MTMR8: variants seen among roughly 807,000 people sequenced by gnomAD.
The protein encoded by MTMR8 is phosphatidylinositol-3,5-bisphosphate 3-phosphatase MTMR8.
Under a neutral mutation model 39.3 loss-of-function variants are expected in MTMR8, and 65 were observed. That is an observed-to-expected ratio of 1.65 (90% CI 1.35 to 2.03). The LOEUF (loss-of-function observed/expected upper bound fraction) is 2.03, where lower values mean the gene tolerates loss of function less well. MTMR8 is among the 30% of genes most tolerant of loss of function. The pLI, the probability that MTMR8 is intolerant of heterozygous loss-of-function variation, is 0.00. For missense variants in MTMR8, 777 were observed against 538.9 expected (o/e 1.44, Z -4.37); for synonymous variants, 245 against 185.2 (o/e 1.32, Z -2.62).
chrX:64,381,394 C>CT (rs1310936244), intron 1 of MTMR8, among the ~76,000 whole-genome samples: 1 of 108,419 alleles, frequency 9.2e-6, no homozygotes, highest in Non-Finnish European at 1.9e-5. Flanking sequence ...GCATAAATGT[C>CT]TTTTTTTGAG....
chrX:64,339,534 A>T (rs1435977169), intron 8 of MTMR8, among the ~76,000 whole-genome samples: 2 of 111,783 alleles, frequency 1.8e-5, no homozygotes, highest in African/African-American at 6.5e-5. Flanking sequence ...GGAAAGACTA[A>T]CTACTTTTCA....
chrX:64,279,747 C>T (rs1346210710), intron 12 of MTMR8, among the ~76,000 whole-genome samples: 1 of 111,665 alleles, frequency 9.0e-6, no homozygotes, highest in Non-Finnish European at 1.9e-5. Context: ...TATTAAGCTA[C>T]AGTAATCAGT....
At chrX:64,288,934 T>A (rs1328865669) in intron 12 of MTMR8, among the ~76,000 whole-genome samples, 1 of 110,073 alleles carries the variant, frequency 9.1e-6, no homozygotes, top group Non-Finnish European at 1.9e-5. Flanking sequence ...GAGTTAATGG[T>A]TGCAGCTCAC....
intron 12 of MTMR8, among the ~76,000 whole-genome samples, chrX:64,290,450 A>T (rs1921356947): frequency 9.0e-6 from 1 of 110,840 alleles, no homozygotes; most frequent in Non-Finnish European, 1.9e-5. Flanking sequence ...ATATATAAAA[A>T]AAAGAAATAA....
At chrX:64,370,499 C>T (rs770746706) in intron 1 of MTMR8, among the ~76,000 whole-genome samples, 4 of 111,404 alleles carry the variant, frequency 3.6e-5, no homozygotes, top group Non-Finnish European at 7.5e-5. Flanking sequence ...GCCAGTGTGA[C>T]AAATTATGTA....
chrX:64,362,493 A>C (rs1295498050), intron 1 of MTMR8, among the ~76,000 whole-genome samples: 2 of 98,893 alleles, frequency 2.0e-5, no homozygotes, highest in East Asian at 6.0e-4. Context: ...AAAAAAAAAA[A>C]AAAAAAAAAC....
intron 12 of MTMR8, among the ~76,000 whole-genome samples, chrX:64,303,416 G>C (rs1206206347): frequency 8.9e-6 from 1 of 112,188 alleles, no homozygotes; most frequent in Non-Finnish European, 1.9e-5. Context: ...TAGTTCAACA[G>C]AGTTATGTTC....
intron 2 of MTMR8, among the ~76,000 whole-genome samples, chrX:64,358,014 C>T (rs1923671549): frequency 9.0e-6 from 1 of 111,488 alleles, no homozygotes; most frequent in Non-Finnish European, 1.9e-5. Context: ...GTGCTCCCTT[C>T]CAGATACAGT....
In MTMR8 at chrX:64,271,029, G is replaced by A; in HGVS notation, c.1526C>T (p.Pro509Leu). 9 of 1,208,060 alleles carry A rather than the reference G, an allele frequency of 7.4e-6. No individual in the cohort carries two copies. The highest frequency in any genetic ancestry group is 1.0e-5 in the Non-Finnish European group (9 of 893,838). The change falls in exon 13 of 14, where the codon CCC becomes CTC. Residue 509 changes from proline (P) to leucine (L), a missense_variant. By Grantham distance (98) the Pro-to-Leu change is moderately conservative (BLOSUM62 -3). Coordinates refer to ENST00000374852, the MANE Select transcript of MTMR8 (RefSeq NM_017677.4). ...GAGGCTCTCTAGCATACTCTGCTTG[G>A]GCTGCAGCCCTTTGTCAAAGCGGTT... ...MYNRFDKGLQ[P>L]KQSMLESLLE...
At chrX:64,358,953 C>A (rs1226399849) in intron 2 of MTMR8, among the ~76,000 whole-genome samples, 1 of 109,502 alleles carries the variant, frequency 9.1e-6, no homozygotes, top group Non-Finnish European at 1.9e-5. Flanking sequence ...AAGGTAAAGT[C>A]CATGAGGCCT....
intron 12 of MTMR8, among the ~76,000 whole-genome samples, chrX:64,286,577 A>C (rs1294543912): frequency 8.9e-6 from 1 of 112,116 alleles, no homozygotes; most frequent in Non-Finnish European, 1.9e-5. Flanking sequence ...AATACTGGCA[A>C]ACTGAATCCA....
intron 1 of MTMR8, among the ~76,000 whole-genome samples, chrX:64,374,220 C>T (rs1414214433): frequency 8.9e-6 from 1 of 111,751 alleles, no homozygotes; most frequent in East Asian, 2.8e-4. Flanking sequence ...AAAACAGGTG[C>T]ATGAGCAGAG....
intron 1 of MTMR8, among the ~76,000 whole-genome samples, chrX:64,383,812 G>A (rs958481719): frequency 9.0e-6 from 1 of 110,749 alleles, no homozygotes. Flanking sequence ...GGTTTGGTAG[G>A]GACAGAACCA....
At chrX:64,369,444 C>T (rs993746377) in intron 1 of MTMR8, among the ~76,000 whole-genome samples, 2 of 111,378 alleles carry the variant, frequency 1.8e-5, no homozygotes, top group Non-Finnish European at 1.9e-5. Flanking sequence ...ATAAAAACGG[C>T]TGAGTTCATG....
intron 5 of MTMR8, among the ~76,000 whole-genome samples, chrX:64,349,734 A>G (rs1478464312): frequency 1.8e-5 from 2 of 112,026 alleles, no homozygotes; most frequent in Non-Finnish European, 1.9e-5. Flanking sequence ...AATGACACTT[A>G]ACATCTGCAT....
Position 64,345,097 on chromosome X carries a change from C to T in MTMR8, c.813G>A (p.Met271Ile), listed in dbSNP as rs1443478503. 1 of 1,211,025 alleles carries T rather than the reference C, an allele frequency of 8.3e-7. No homozygotes were observed. The highest frequency in any genetic ancestry group is 1.8e-5 in the South Asian group (1 of 56,969). Residue 271 changes from methionine to isoleucine, a missense_variant, in exon 7 of 14, where the codon ATG (methionine) becomes ATA (isoleucine). Met to Ile is a conservative substitution (Grantham distance 10). Transcript: ENST00000374852. ...GCATTACATGGATGTTCTCAATGCC[C>T]ATGAATCTGAAGCGAATGTTGGCAT... ...DNYANIRFRF[M>I]GIENIHVMRS...
At chrX:64,375,896 G>A (rs1924256508) in intron 1 of MTMR8, among the ~76,000 whole-genome samples, 1 of 111,838 alleles carries the variant, frequency 8.9e-6, no homozygotes, top group South Asian at 3.7e-4. Flanking sequence ...GGAGGTGACT[G>A]GATCATGAGG....
Position 64,336,301 on chromosome X carries a change from G to A in MTMR8, c.1102-173C>T, listed in dbSNP as rs759871287. 7.2e-5 allele frequency among the ~76,000 whole-genome samples: 8 copies of A among 111,143 alleles called. No homozygotes were observed. The South Asian group carries it at 2.3e-3, about 32-fold the overall frequency. ...TAGATTTCATTCATAAGCCTATACA[G>A]GGTGCCTTCAAATTTCAGATGCTCT... On this transcript the variant is annotated intron_variant, in intron 9 of 13. Coordinates refer to ENST00000374852, the MANE Select transcript of MTMR8 (RefSeq NM_017677.4).
intron 1 of MTMR8, among the ~76,000 whole-genome samples, chrX:64,383,503 G>A (rs748157529): frequency 3.6e-4 from 39 of 109,011 alleles, no homozygotes; most frequent in Non-Finnish European, 7.0e-4. Context: ...TCATGGTTCT[G>A]CAGGCTGTAC....
Sources: gnomAD v4.1 joint callset for allele counts (sites outside exome capture counted in the v4.1 genomes callset) on GRCh38, gnomAD v4.1.1 for gene constraint, MANE v1.5 for transcripts, NCBI Gene and HGNC (gene_info 2026-07-23, HGNC 2026-07-21) for gene names.